Variants in SLC24A2 observed in about 807,000 individuals in gnomAD.
The protein encoded by SLC24A2 is solute carrier family 24 member 2.
A neutral mutation model predicts 62.0 loss-of-function variants in SLC24A2; 36 were observed. That is an observed-to-expected ratio of 0.58 (90% CI 0.44 to 0.77). The LOEUF is 0.77. Among genes scored for constraint, SLC24A2 ranks in the 30% least tolerant of loss-of-function variants. SLC24A2 has a pLI of 0.00. For missense variants in SLC24A2, 846 were observed against 817.9 expected, an observed-to-expected ratio of 1.03 and a Z score of -0.42; for synonymous variants, 358 against 294.0, an observed-to-expected ratio of 1.22 and a Z score of -2.23.
chr9:20,103,480 A>C, the SLC24A2 span, among the ~76,000 whole-genome samples: 1 of 152,294 alleles, frequency 6.6e-6, no homozygotes, highest in South Asian at 2.1e-4. Context: ...TCACATGGCC[A>C]GGTACTCCTT....
the SLC24A2 span, among the ~76,000 whole-genome samples, chr9:20,287,421 A>G: frequency 1.3e-5 from 2 of 152,154 alleles, no homozygotes; most frequent in African/African-American, 4.8e-5. Context: ...TAACTTTTAT[A>G]TGCTGAGCCT....
the SLC24A2 span, among the ~76,000 whole-genome samples, chr9:20,086,234 T>C: frequency 3.0e-4 from 45 of 152,298 alleles, no homozygotes; most frequent in African/African-American, 9.9e-4. Context: ...TTGTTCTTTA[T>C]ATTGCTGGTG....
the SLC24A2 span, among the ~76,000 whole-genome samples, chr9:20,022,456 G>C: frequency 6.6e-6 from 1 of 152,210 alleles, no homozygotes; most frequent in Admixed American, 6.5e-5. Flanking sequence ...TTTACATCCA[G>C]CAAGTAGTAG....
intron 8 of SLC24A2, among the ~76,000 whole-genome samples, chr9:19,529,294 C>T (rs149862171): frequency 7.0e-4 from 107 of 152,260 alleles, no homozygotes; most frequent in African/African-American, 2.6e-3. Context: ...CACGTTCTGT[C>T]ATGGCTTTTG....
the SLC24A2 span, among the ~76,000 whole-genome samples, chr9:19,898,078 T>G: frequency 2.6e-5 from 4 of 152,280 alleles, no homozygotes; most frequent in South Asian, 8.3e-4. Context: ...GAGGAGGGAA[T>G]CAGAGGGTCA....
the SLC24A2 span, among the ~76,000 whole-genome samples, chr9:20,303,866 G>A: frequency 6.6e-6 from 1 of 152,178 alleles, no homozygotes; most frequent in African/African-American, 2.4e-5. Context: ...CATGCAGACA[G>A]GGCAGGGGGC....
chr9:19,759,746 T>A (rs1169485261), intron 2 of SLC24A2, among the ~76,000 whole-genome samples: 1 of 152,136 alleles, frequency 6.6e-6, no homozygotes, highest in African/African-American at 2.4e-5. Flanking sequence ...TAAAACAGAT[T>A]TCTGCCTGAA....
chr9:19,837,217 C>T, the SLC24A2 span, among the ~76,000 whole-genome samples: 2 of 151,750 alleles, frequency 1.3e-5, no homozygotes, highest in Non-Finnish European at 2.9e-5. Flanking sequence ...CTTTGGGAGG[C>T]CGAGGCGGGT....
At chr9:19,776,521 C>T (rs73646166) in intron 2 of SLC24A2, among the ~76,000 whole-genome samples, 3,751 of 152,186 alleles carry the variant, frequency 0.025, 168 homozygotes, top group African/African-American at 0.086. Flanking sequence ...CATGCAGCTG[C>T]CCAGGATAGT....
At chr9:19,776,846 G>A (rs1475318588) in intron 2 of SLC24A2, among the ~76,000 whole-genome samples, 1 of 152,160 alleles carries the variant, frequency 6.6e-6, no homozygotes, top group African/African-American at 2.4e-5. Context: ...AGCTCCTAAG[G>A]ATAGAAATGA....
chr9:19,564,787 G>A (rs1835581485), intron 7 of SLC24A2, among the ~76,000 whole-genome samples: 1 of 152,160 alleles, frequency 6.6e-6, no homozygotes, highest in Non-Finnish European at 1.5e-5. Flanking sequence ...TCGAATCTAA[G>A]GAATTTGCAA....
the SLC24A2 span, among the ~76,000 whole-genome samples, chr9:20,057,504 G>A: frequency 6.6e-6 from 1 of 152,096 alleles, no homozygotes; most frequent in Non-Finnish European, 1.5e-5. Flanking sequence ...CTAAAAAATG[G>A]AGAGAAAACT....
chr9:20,027,630 GT>G, the SLC24A2 span, among the ~76,000 whole-genome samples: 2 of 152,158 alleles, frequency 1.3e-5, no homozygotes, highest in African/African-American at 4.8e-5. Flanking sequence ...CAGAATGGTG[GT>G]TATTAGAGGC....
chr9:19,825,086 G>A, the SLC24A2 span, among the ~76,000 whole-genome samples: 2 of 152,092 alleles, frequency 1.3e-5, no homozygotes, highest in African/African-American at 4.8e-5. Flanking sequence ...TTAAAACCTA[G>A]ATGATGGATT....
At chr9:20,129,207 A>C in the SLC24A2 span, among the ~76,000 whole-genome samples, 1 of 152,144 alleles carries the variant, frequency 6.6e-6, no homozygotes, top group Non-Finnish European at 1.5e-5. Context: ...CAGTATCATT[A>C]GTTATTAGGG....
At chr9:19,734,240 T>A (rs1587239746) in intron 2 of SLC24A2, among the ~76,000 whole-genome samples, 1 of 152,184 alleles carries the variant, frequency 6.6e-6, no homozygotes, top group East Asian at 1.9e-4. Flanking sequence ...GTTCCATTGG[T>A]CTATATCTCT....
chr9:19,953,166 A>C, the SLC24A2 span, among the ~76,000 whole-genome samples: 1 of 151,872 alleles, frequency 6.6e-6, no homozygotes, highest in Non-Finnish European at 1.5e-5. Flanking sequence ...GTTCTTTTAG[A>C]TTGGTATGAC....
At chr9:20,016,648 A>AATGTTTCT in the SLC24A2 span, among the ~76,000 whole-genome samples, 2 of 152,234 alleles carry the variant, frequency 1.3e-5, no homozygotes, top group African/African-American at 4.8e-5. Context: ...CTGAGCACTG[A>AATGTTTCT]ATGTTTCTAA....
chr9:20,162,932 T>C, the SLC24A2 span, among the ~76,000 whole-genome samples: 4 of 151,832 alleles, frequency 2.6e-5, no homozygotes, highest in South Asian at 2.1e-4. Context: ...ATTTAACAAC[T>C]CTTCATGATA....
Sources: allele counts gnomAD v4.1 joint callset (sites outside exome capture counted in the v4.1 genomes callset), GRCh38; gene constraint gnomAD v4.1.1; transcripts MANE v1.5; gene names NCBI Gene and HGNC (gene_info 2026-07-23, HGNC 2026-07-21).